SHROOM4: variants seen among roughly 807,000 people sequenced by gnomAD.
SHROOM4 encodes the protein protein Shroom4.
Under a neutral mutation model 80.3 loss-of-function variants are expected in SHROOM4, and 17 were observed. The ratio of observed to expected loss-of-function variants is 0.21; its 90% CI spans 0.14 to 0.32. The LOEUF is 0.32. Among genes scored for constraint, SHROOM4 ranks in the 10% least tolerant of loss-of-function variants. The pLI is 1.00. For missense variants in SHROOM4, 993 were observed against 1,140.3 expected (o/e 0.87, Z 1.86); for synonymous variants, 400 against 437.5 (o/e 0.91, Z 1.07).
intron 5 of SHROOM4, among the ~76,000 whole-genome samples, chrX:50,623,103 A>G (rs1434399734): frequency 9.0e-6 from 1 of 111,391 alleles, no homozygotes; most frequent in Non-Finnish European, 1.9e-5. Flanking sequence ...ACTAAATTAA[A>G]CCCAATTGCT....
intron 3 of SHROOM4, among the ~76,000 whole-genome samples, chrX:50,637,597 G>T (rs1380487384): frequency 8.9e-6 from 1 of 112,616 alleles, no homozygotes; most frequent in Admixed American, 9.3e-5. Flanking sequence ...ACCTGCAACA[G>T]AAATCCCTTC....
chrX:50,582,293 T>C (rs1928680418), downstream of SHROOM4, among the ~76,000 whole-genome samples: 1 of 111,792 alleles, frequency 8.9e-6, no homozygotes, highest in Admixed American at 9.5e-5. Context: ...GACCAAGACC[T>C]TGATTGCAGT....
chrX:50,631,863 A>G (rs1475144003), intron 4 of SHROOM4, among the ~76,000 whole-genome samples: 1 of 111,977 alleles, frequency 8.9e-6, no homozygotes, highest in East Asian at 2.8e-4. Context: ...AAATATAACA[A>G]AATATGTACA....
At chrX:50,687,967 A>C (rs1933118971) in intron 2 of SHROOM4, among the ~76,000 whole-genome samples, 1 of 109,921 alleles carries the variant, frequency 9.1e-6, no homozygotes, top group African/African-American at 3.3e-5. Context: ...GGTGCTGAGA[A>C]CGCAACAATG....
chrX:50,597,610 T>C (rs202216535), intron 8 of SHROOM4, among the ~76,000 whole-genome samples: 2 of 111,565 alleles, frequency 1.8e-5, no homozygotes, highest in East Asian at 5.6e-4. Flanking sequence ...CTAGCATTGA[T>C]TCAGTGTTTA....
intron 2 of SHROOM4, among the ~76,000 whole-genome samples, chrX:50,670,446 T>G (rs1396018767): frequency 8.9e-6 from 1 of 111,915 alleles, no homozygotes; most frequent in Admixed American, 9.5e-5. Flanking sequence ...AACTCATCCA[T>G]TTTTATGGCT....
At chrX:50,685,235 AAG>A (rs1933043987) in intron 2 of SHROOM4, among the ~76,000 whole-genome samples, 1 of 111,750 alleles carries the variant, frequency 8.9e-6, no homozygotes, top group Non-Finnish European at 1.9e-5. Context: ...CTGGGAATAA[AAG>A]AGGGAATTTA....
intron 1 of SHROOM4, among the ~76,000 whole-genome samples, chrX:50,767,984 C>A (rs1557269451): frequency 8.9e-6 from 1 of 111,908 alleles, no homozygotes; most frequent in East Asian, 2.8e-4. Context: ...AAACTGAGGT[C>A]TTTTTGGTTC....
intron 1 of SHROOM4, among the ~76,000 whole-genome samples, chrX:50,774,448 C>T (rs1935463050): frequency 9.0e-6 from 1 of 111,317 alleles, no homozygotes; most frequent in African/African-American, 3.3e-5. Flanking sequence ...TCCCTCTATC[C>T]CACTTAAACT....
intron 1 of SHROOM4, among the ~76,000 whole-genome samples, chrX:50,738,497 C>T (rs1934557078): frequency 9.0e-6 from 1 of 111,670 alleles, no homozygotes; most frequent in Non-Finnish European, 1.9e-5. Flanking sequence ...GATACAAAAT[C>T]AATGTGCAAA....
At chrX:50,659,460 CTAGTT>C (rs1932422270) in intron 2 of SHROOM4, among the ~76,000 whole-genome samples, 1 of 111,585 alleles carries the variant, frequency 9.0e-6, no homozygotes, top group African/African-American at 3.3e-5. Context: ...ATTTTTCACT[CTAGTT>C]TATGATTCAG....
intron 1 of SHROOM4, among the ~76,000 whole-genome samples, chrX:50,732,860 C>T (rs1557266413): frequency 2.7e-5 from 3 of 112,209 alleles, no homozygotes; most frequent in Non-Finnish European, 5.6e-5. Flanking sequence ...AATATAAATT[C>T]TTAAAAAACT....
chrX:50,727,026 G>C (rs782589078), intron 1 of SHROOM4, among the ~76,000 whole-genome samples: 43 of 113,299 alleles, frequency 3.8e-4, no homozygotes, highest in Non-Finnish European at 6.4e-4. Context: ...CAGGGGTGGA[G>C]CTGCCCAAGG....
chrX:50,813,146 G>A (rs1179009757), intron 1 of SHROOM4, among the ~76,000 whole-genome samples: 1 of 90,627 alleles, frequency 1.1e-5, no homozygotes, highest in Non-Finnish European at 2.2e-5. Flanking sequence ...TGGCGGCGGC[G>A]GCGGCGGCGG....
At chrX:50,758,288 T>C (rs1362484310) in intron 1 of SHROOM4, among the ~76,000 whole-genome samples, 2 of 112,173 alleles carry the variant, frequency 1.8e-5, no homozygotes, top group African/African-American at 6.5e-5. Context: ...ATTTGTCTTG[T>C]TCCCATCTTA....
intron 2 of SHROOM4, among the ~76,000 whole-genome samples, chrX:50,682,248 G>T (rs1410589684): frequency 9.0e-6 from 1 of 111,384 alleles, no homozygotes; most frequent in African/African-American, 3.3e-5. Flanking sequence ...AATCCAATTT[G>T]GCAAGAAACC....
At chrX:50,648,251 G>A (rs1931913821) in intron 2 of SHROOM4, among the ~76,000 whole-genome samples, 1 of 111,434 alleles carries the variant, frequency 9.0e-6, no homozygotes, top group Admixed American at 9.5e-5. Context: ...ATTTGTTGAT[G>A]GACTGAATAT....
At chrX:50,651,747 G>A (rs1440692774) in intron 2 of SHROOM4, among the ~76,000 whole-genome samples, 26 of 73,289 alleles carry the variant, frequency 3.5e-4, no homozygotes, top group Non-Finnish European at 6.1e-4. Context: ...CTTAACCCCC[G>A]ACATGCCCCA....
At chrX:50,580,866 T>C in the SHROOM4 span, among the ~76,000 whole-genome samples, 9 of 112,413 alleles carry the variant, frequency 8.0e-5, no homozygotes, top group African/African-American at 2.6e-4. Context: ...TTCACAATTG[T>C]TAAACAAATT....
Sources: gnomAD v4.1 joint callset for allele counts (sites outside exome capture counted in the v4.1 genomes callset) on GRCh38, gnomAD v4.1.1 for gene constraint, MANE v1.5 for transcripts, NCBI Gene and HGNC (gene_info 2026-07-23, HGNC 2026-07-21) for gene names.